C12orf42: variants seen among roughly 807,000 people sequenced by gnomAD.
C12orf42 encodes the protein uncharacterized protein C12orf42.
In C12orf42, 25 loss-of-function variants were observed where a neutral mutation model predicts 21.6. The ratio of observed to expected loss-of-function variants is 1.16; its 90% CI spans 0.84 to 1.62. C12orf42 has a LOEUF of 1.62. Among genes scored for constraint, C12orf42 ranks in the 40% most tolerant of loss-of-function variants. The pLI, the probability that C12orf42 is intolerant of heterozygous loss-of-function variation, is 0.00. For missense variants in C12orf42, 483 were observed against 459.3 expected (o/e 1.05, Z -0.47); for synonymous variants, 174 against 175.0 (o/e 0.99, Z 0.05).
chr12:103,333,680 T>C (rs2041442275), intron 4 of C12orf42, among the ~76,000 whole-genome samples: 2 of 152,148 alleles, frequency 1.3e-5, no homozygotes, highest in Admixed American at 1.3e-4. Flanking sequence ...TTCAATATTA[T>C]CTGGTTGTAC....
chr12:103,302,158 C>T lies in C12orf42; in HGVS notation c.1033G>A (p.Val345Ile). The T allele has an allele frequency of 6.2e-7, 1 of 1,613,246 alleles. No individual in the cohort carries two copies. Among genetic ancestry groups the T allele is most frequent in the South Asian group, 1.1e-5 (1 of 90,882 alleles). Reference sequence around the variant, plus strand: ...GGCCTAGAAAGGGCCTGTGAACAAACCGTATGGAAACGCCGGGTTGGGCGG... The same window carrying T: ...GGCCTAGAAAGGGCCTGTGAACAAATCGTATGGAAACGCCGGGTTGGGCGG... ...PPRPTRRFHT[V>I]CSQALSRPVV... The change falls in exon 6 of 6, where the codon GTT (valine) becomes ATT (isoleucine). Residue 345 changes from valine to isoleucine, a missense_variant. By Grantham distance (29) the Val-to-Ile change is conservative. Transcript: ENST00000548883.
At chr12:103,284,318 C>A (rs905627034) in intron 4 of C12orf42, among the ~76,000 whole-genome samples, 3 of 152,028 alleles carry the variant, frequency 2.0e-5, no homozygotes, top group Non-Finnish European at 4.4e-5. Flanking sequence ...TGACTTGGGA[C>A]AAATTGTTGG....
the C12orf42 span, among the ~76,000 whole-genome samples, chr12:103,153,694 A>G: frequency 6.6e-6 from 1 of 152,162 alleles, no homozygotes; most frequent in African/African-American, 2.4e-5. Flanking sequence ...TGAAACTCTA[A>G]TACACTAATG....
At position 103,395,686 on chromosome 12, in the gene C12orf42, A is replaced by G. The variant is rs149754626; in HGVS notation, c.147+5921T>C. The stretch of plus-strand genomic sequence containing the variant: ...TAATGTTTCTTGACATATTCATTAA[A>G]AATAGTACGAAAGCATCTGATTAGA... On this transcript the variant is annotated intron_variant, in intron 3 of 5. Transcript: ENST00000548883. 6.3e-3 allele frequency among the ~76,000 whole-genome samples: 965 copies of G among 152,264 alleles called. 4 individuals carry two copies. Among genetic ancestry groups the G allele is most frequent in the Non-Finnish European group, 9.6e-3 (652 of 68,002 alleles).
downstream of C12orf42, among the ~76,000 whole-genome samples, chr12:103,301,413 C>A (rs1443333230): frequency 6.6e-6 from 1 of 152,062 alleles, no homozygotes; most frequent in African/African-American, 2.4e-5. Context: ...AGAATCCTAC[C>A]GTGAAGAAAA....
intron 4 of C12orf42, among the ~76,000 whole-genome samples, chr12:103,365,245 G>A (rs1408760471): frequency 2.0e-5 from 3 of 152,062 alleles, no homozygotes; most frequent in Admixed American, 6.6e-5. Flanking sequence ...CTCAGTAGAT[G>A]CAGAAAAAGC....
the C12orf42 span, among the ~76,000 whole-genome samples, chr12:103,543,762 A>T: frequency 2.0e-5 from 3 of 152,188 alleles, no homozygotes; most frequent in Admixed American, 1.3e-4. Context: ...GTATATTTAC[A>T]ACTTTCTTAC....
At chr12:103,545,865 C>T in the C12orf42 span, among the ~76,000 whole-genome samples, 1 of 152,204 alleles carries the variant, frequency 6.6e-6, no homozygotes, top group Non-Finnish European at 1.5e-5. Context: ...TATTTCCTCT[C>T]TGTATGACTT....
chr12:103,219,924 G>A, the C12orf42 span, among the ~76,000 whole-genome samples: 1 of 152,136 alleles, frequency 6.6e-6, no homozygotes, highest in African/African-American at 2.4e-5. Context: ...TATACCCAAA[G>A]CATTATAAAT....
intron 4 of C12orf42, among the ~76,000 whole-genome samples, chr12:103,318,852 C>A (rs533479150): frequency 3.3e-5 from 5 of 152,180 alleles, no homozygotes; most frequent in African/African-American, 1.2e-4. Flanking sequence ...ACTGGCCATG[C>A]CCCAGTGCAA....
At chr12:103,176,255 G>A in the C12orf42 span, among the ~76,000 whole-genome samples, 12 of 152,126 alleles carry the variant, frequency 7.9e-5, no homozygotes, top group Middle Eastern at 3.4e-3. Context: ...AACATACATC[G>A]TATAAAAATG....
chr12:103,249,966 A>G (rs186692748), intron 10 of C12orf42, among the ~76,000 whole-genome samples: 1 of 152,110 alleles, frequency 6.6e-6, no homozygotes, highest in Non-Finnish European at 1.5e-5. Context: ...AAGTTATGAC[A>G]ATATTCCCTG....
chr12:103,295,094 A>G (rs1314354812), intron 4 of C12orf42, among the ~76,000 whole-genome samples: 1 of 152,200 alleles, frequency 6.6e-6, no homozygotes, highest in Non-Finnish European at 1.5e-5. Flanking sequence ...TGCAAAGGAC[A>G]TAATCTCATT....
At chr12:103,174,626 T>A in the C12orf42 span, among the ~76,000 whole-genome samples, 1 of 152,138 alleles carries the variant, frequency 6.6e-6, no homozygotes, top group Non-Finnish European at 1.5e-5. Flanking sequence ...TGAAAATCTG[T>A]TAGTTAACAG....
chr12:103,441,306 T>C (rs2137301246), intron 2 of C12orf42, among the ~76,000 whole-genome samples: 1 of 152,332 alleles, frequency 6.6e-6, no homozygotes, highest in Admixed American at 6.5e-5. Context: ...TAATACAAGT[T>C]CAAGCCTTTT....
intron 4 of C12orf42, among the ~76,000 whole-genome samples, chr12:103,320,240 T>A (rs1199659756): frequency 6.6e-6 from 1 of 152,172 alleles, no homozygotes; most frequent in East Asian, 1.9e-4. Context: ...GGAATATACC[T>A]CAAGGCCACA....
chr12:103,250,577 G>A (rs891902002), intron 10 of C12orf42, among the ~76,000 whole-genome samples: 2 of 152,094 alleles, frequency 1.3e-5, no homozygotes, highest in Admixed American at 1.3e-4. Flanking sequence ...ATGAAATATT[G>A]TTCAAGAGTT....
intron 4 of C12orf42, among the ~76,000 whole-genome samples, chr12:103,283,965 G>GA (rs2036285841): frequency 6.6e-6 from 1 of 152,060 alleles, no homozygotes; most frequent in Non-Finnish European, 1.5e-5. Flanking sequence ...ATCACGAGAG[G>GA]AAAAAATAGC....
At chr12:103,105,510 G>A in the C12orf42 span, among the ~76,000 whole-genome samples, 1 of 152,002 alleles carries the variant, frequency 6.6e-6, no homozygotes, top group East Asian at 1.9e-4. Context: ...AGGGTCCATG[G>A]GAAAGGTTAA....
Sources: allele counts gnomAD v4.1 joint callset (sites outside exome capture counted in the v4.1 genomes callset), GRCh38; gene constraint gnomAD v4.1.1; transcripts MANE v1.5; gene names NCBI Gene and HGNC (gene_info 2026-07-23, HGNC 2026-07-21).